The following TMEM74 variants were observed in gnomAD, a reference collection of about 807,000 sequenced individuals.
TMEM74 encodes the protein transmembrane protein 74.
Under a neutral mutation model 18.1 loss-of-function variants are expected in TMEM74, and 13 were observed. That is an observed-to-expected ratio of 0.72 (90% CI 0.47 to 1.14). TMEM74 has a LOEUF of 1.14. Ranked by LOEUF, TMEM74 falls within the 50% of genes most tolerant of loss-of-function variation. The pLI is 0.00. For synonymous variants in TMEM74, 159 were observed against 146.6 expected, an observed-to-expected ratio of 1.08 and a Z score of -0.61; for missense variants, 372 against 375.9, an observed-to-expected ratio of 0.99 and a Z score of 0.09.
intron 1 of TMEM74, among the ~76,000 whole-genome samples, chr8:108,746,358 C>T (rs1379577540): frequency 8.5e-5 from 13 of 152,058 alleles, no homozygotes; most frequent in Admixed American, 8.5e-4. Context: ...GCAATGCAGA[C>T]ACCCCTTTTA....
chr8:108,786,376 A>C (rs530881290), intron 1 of TMEM74, among the ~76,000 whole-genome samples: 1 of 152,256 alleles, frequency 6.6e-6, no homozygotes, highest in Non-Finnish European at 1.5e-5. Flanking sequence ...TTGCTTCCAA[A>C]TCCAGGGTGA....
At chr8:108,630,964 C>T (rs1263257598) in intron 2 of TMEM74, among the ~76,000 whole-genome samples, 6 of 151,928 alleles carry the variant, frequency 3.9e-5, no homozygotes, top group Non-Finnish European at 5.9e-5. Context: ...GTGGGGCACA[C>T]TCACTCAGTC....
At chr8:108,733,366 C>T (rs1238134529) in intron 1 of TMEM74, among the ~76,000 whole-genome samples, 3 of 151,924 alleles carry the variant, frequency 2.0e-5, no homozygotes, top group Non-Finnish European at 4.4e-5. Flanking sequence ...TTCAAAAACA[C>T]GATGTTGAGT....
intron 2 of TMEM74, among the ~76,000 whole-genome samples, chr8:108,651,430 C>T (rs1586247798): frequency 6.6e-6 from 1 of 152,084 alleles, no homozygotes; most frequent in African/African-American, 2.4e-5. Flanking sequence ...TCACTAATCT[C>T]TTTAAAAATA....
At chr8:108,764,517 T>C (rs1011653094) in intron 1 of TMEM74, among the ~76,000 whole-genome samples, 1 of 152,180 alleles carries the variant, frequency 6.6e-6, no homozygotes, top group Non-Finnish European at 1.5e-5. Flanking sequence ...ATTTTTTTCC[T>C]GTTCTGAAAT....
intron 1 of TMEM74, among the ~76,000 whole-genome samples, chr8:108,731,225 CCCCCCAT>C: frequency 6.6e-6 from 1 of 151,528 alleles, no homozygotes; most frequent in African/African-American, 2.4e-5. Flanking sequence ...TCCACCACCG[CCCCCCAT>C]CCCCCCCAAA....
At chr8:108,611,048 C>G (rs1212631909) in intron 2 of TMEM74, among the ~76,000 whole-genome samples, 1 of 152,108 alleles carries the variant, frequency 6.6e-6, no homozygotes, top group Non-Finnish European at 1.5e-5. Flanking sequence ...ATACTACATT[C>G]TATGTGGGAT....
intron 1 of TMEM74, among the ~76,000 whole-genome samples, chr8:108,741,171 A>G (rs943535899): frequency 1.3e-5 from 2 of 152,214 alleles, no homozygotes; most frequent in African/African-American, 4.8e-5. Flanking sequence ...CCTATGTGAG[A>G]AAACTACTTT....
chr8:108,760,400 G>T (rs1254537617), intron 1 of TMEM74, among the ~76,000 whole-genome samples: 1 of 152,100 alleles, frequency 6.6e-6, no homozygotes, highest in African/African-American at 2.4e-5. Context: ...CAGAGGCTGT[G>T]CTGGGCACAG....
intron 1 of TMEM74, among the ~76,000 whole-genome samples, chr8:108,756,340 T>G (rs1813959158): frequency 6.6e-6 from 1 of 151,682 alleles, no homozygotes; most frequent in Non-Finnish European, 1.5e-5. Flanking sequence ...ACATGGAAAA[T>G]TATATTATGT....
chr8:108,611,975 G>A (rs1447934659), intron 2 of TMEM74, among the ~76,000 whole-genome samples: 1 of 152,144 alleles, frequency 6.6e-6, no homozygotes, highest in Non-Finnish European at 1.5e-5. Flanking sequence ...TCTTCACAGG[G>A]CGGTAGGAGA....
At chr8:108,773,931 G>A (rs1387651959) in intron 1 of TMEM74, among the ~76,000 whole-genome samples, 2 of 152,132 alleles carry the variant, frequency 1.3e-5, no homozygotes, top group African/African-American at 2.4e-5. Flanking sequence ...ACAGAAAACT[G>A]TGTGATAATA....
At chr8:108,704,244 G>T (rs1403007280) in intron 1 of TMEM74, among the ~76,000 whole-genome samples, 3 of 152,174 alleles carry the variant, frequency 2.0e-5, no homozygotes, top group African/African-American at 7.2e-5. Flanking sequence ...CTAGACTGGG[G>T]ACAGGGTTAT....
intron 1 of TMEM74, among the ~76,000 whole-genome samples, chr8:108,698,639 T>G (rs1813304462): frequency 6.6e-6 from 1 of 152,208 alleles, no homozygotes; most frequent in Admixed American, 6.5e-5. Flanking sequence ...TTATCATATT[T>G]ACTCAGAAAC....
chr8:108,778,968 C>G (rs138541060), downstream of TMEM74, among the ~76,000 whole-genome samples: 67 of 152,118 alleles, frequency 4.4e-4, no homozygotes, highest in Non-Finnish European at 7.7e-4. Context: ...GAATGACAAA[C>G]CTAAATTAGG....
intron 1 of TMEM74, among the ~76,000 whole-genome samples, chr8:108,677,890 T>A (rs1057294856): frequency 7.2e-5 from 11 of 152,328 alleles, no homozygotes; most frequent in Admixed American, 2.6e-4. Flanking sequence ...GTAGATGAGC[T>A]GTGACCAGCA....
chr8:108,709,597 G>T (rs147731093), intron 1 of TMEM74, among the ~76,000 whole-genome samples: 7 of 152,100 alleles, frequency 4.6e-5, no homozygotes, highest in Non-Finnish European at 1.0e-4. Context: ...AGCTCTAGGC[G>T]TCTGCTGTAC....
At chr8:108,648,646 A>G (rs1221417873) in intron 2 of TMEM74, among the ~76,000 whole-genome samples, 2 of 152,082 alleles carry the variant, frequency 1.3e-5, no homozygotes, top group Admixed American at 1.3e-4. Context: ...GCTGTCATAG[A>G]GAGATTTGAA....
In TMEM74 at chr8:108,765,407, C is replaced by CTT. The variant is rs61334796; in HGVS notation, n.119+22067_119+22068dup. Among the ~76,000 whole-genome samples the CTT allele has an allele frequency of 7.0e-4, 85 of 120,712 alleles. 3 individuals carry two copies. Among genetic ancestry groups the CTT allele is most frequent in the African/African-American group, 2.5e-3 (79 of 31,870 alleles). 79.2% of individuals were successfully genotyped at this position (120,712 alleles called of 152,430 possible). A position where few individuals can be genotyped will look rare whatever the true frequency, so the allele number is the denominator to read the frequency against. ...CTAAGGTCTTAGCAGTTTGGAACTA[C>CTT]TTTTTTTTTTTTTTTTTTAGATGGA... is the stretch of plus-strand genomic sequence containing the variant. On this transcript the variant is annotated intron_variant and non_coding_transcript_variant, in intron 1 of 3. Coordinates refer to the TMEM74 transcript ENST00000518838.
Sources: gnomAD v4.1 joint callset for allele counts (sites outside exome capture counted in the v4.1 genomes callset) on GRCh38, gnomAD v4.1.1 for gene constraint, MANE v1.5 for transcripts, NCBI Gene and HGNC (gene_info 2026-07-23, HGNC 2026-07-21) for gene names.